The following INPP5K variants were observed in gnomAD, a reference collection of about 807,000 sequenced individuals.
INPP5K encodes inositol polyphosphate-5-phosphatase K, also known as inositol polyphosphate 5-phosphatase K.
INPP5K carries 35 observed loss-of-function variants against 53.5 expected under a neutral mutation model. The ratio of observed to expected loss-of-function variants is 0.65; its 90% CI spans 0.50 to 0.87. INPP5K has a LOEUF of 0.87. INPP5K is among the 40% of genes least tolerant of loss of function. The pLI, the probability that INPP5K is intolerant of heterozygous loss-of-function variation, is 0.00. For synonymous variants in INPP5K, 253 were observed against 232.8 expected, an observed-to-expected ratio of 1.09 and a Z score of -0.79; for missense variants, 550 against 586.2, an observed-to-expected ratio of 0.94 and a Z score of 0.64.
Position 1,498,050 on chromosome 17 carries a change from G to A in INPP5K, c.849C>T (p.Pro283=), listed in dbSNP as rs748453410. The change falls in exon 8 of 12, where the codon CCC becomes CCT. Residue 283 remains proline, a synonymous_variant. Transcript: ENST00000421807. ...WRLKRQPCAG[P]DTPIPPASHF... is the part of the protein sequence containing the mutation. ...GTGACGCCGGCGGTATGGGAGTGTC[G>A]GGGCCAGCACAGGGCTGCCGCTTCA... 5 of 1,613,914 alleles carry A rather than the reference G, an allele frequency of 3.1e-6. No homozygotes were observed. Among genetic ancestry groups the A allele is most frequent in the African/African-American group, 1.3e-5 (1 of 74,906 alleles).
intron 7 of INPP5K, 90 bp downstream of exon 7, chr17:1,506,890 C>T: frequency 3.3e-6 from 3 of 899,372 alleles, no homozygotes; most frequent in East Asian, 2.6e-5. Flanking sequence ...CCTGCCCCCC[C>T]TAACACTTCT....
At position 1,508,128 on chromosome 17, in the gene INPP5K, C is replaced by T. The variant is rs2075207934; in HGVS notation, c.653G>A (p.Trp218Ter). The change falls in exon 6 of 12, where the codon TGG (tryptophan) becomes TAG (stop). Residue 218 changes from tryptophan to a stop codon, truncating the protein, a stop_gained. Coordinates refer to ENST00000421807, the MANE Select transcript of INPP5K (RefSeq NM_016532.4). LOFTEE classifies it high-confidence loss of function. ...CTCACTGGATACCTGGTCCTTCTCC[C>T]ACAGGCCACCGTAGCACCGATTTTT... Reference protein sequence around the residue: ...SIKNRCYGGLWEKDQLSIAKK... With the variant: ...SIKNRCYGGL 2 of 1,613,582 alleles carry T rather than the reference C, an allele frequency of 1.2e-6. No homozygotes were observed. Among genetic ancestry groups the T allele is most frequent in the Admixed American group, 3.3e-5 (2 of 60,026 alleles).
chr17:1,496,286 CTGCTGGTGATGTACCTGG>C lies in INPP5K; in HGVS notation c.1185+15_1185+32del. 2 of 1,544,154 alleles carry C rather than the reference CTGCTGGTGATGTACCTGG, an allele frequency of 1.3e-6. No homozygotes were observed. Among genetic ancestry groups the C allele is most frequent in the Non-Finnish European group, 8.8e-7 (1 of 1,137,844 alleles). On this transcript the variant is annotated intron_variant, in intron 10 of 11. Transcript: ENST00000421807. Reference sequence around the variant, plus strand: ...GACAGGAGTGCTGAGGCAGGCCTGCCTGCTGGTGATGTACCTGGTGCTGGTGACGTACCTGGTTCAGGT... The same window carrying C: ...GACAGGAGTGCTGAGGCAGGCCTGCCTGCTGGTGACGTACCTGGTTCAGGT...
chr17:1,502,161 AAC>A (rs2075037657), intron 7 of INPP5K, among the ~76,000 whole-genome samples: 4 of 151,750 alleles, frequency 2.6e-5, no homozygotes, highest in South Asian at 2.1e-4. Context: ...CATCCTGGCT[AAC>A]ATGGTGAAAC....
At position 1,496,062 on chromosome 17, in the gene INPP5K, G is replaced by A; in HGVS notation, c.1288C>T (p.Gln430Ter). The stretch of plus-strand genomic sequence containing the variant: ...CTTCCCTCACCAGCACTGCTTACCT[G>A]GAAGGGTCTGCTTATCCCCACCACA... The part of the protein sequence containing the change: ...RSVVGISRPF[Q>*]IPPGSLREDP... The change falls in exon 11 of 12, where the codon CAG becomes TAG. Residue 430 changes from glutamine to a stop codon, truncating the protein, a stop_gained and splice_region_variant. Coordinates refer to ENST00000421807, the MANE Select transcript of INPP5K (RefSeq NM_016532.4). LOFTEE classifies it high-confidence loss of function. 1 of 1,601,370 alleles carries A rather than the reference G, an allele frequency of 6.2e-7. No individual in the cohort carries two copies. The highest frequency in any genetic ancestry group is 8.6e-7 in the Non-Finnish European group (1 of 1,168,530).
intron 7 of INPP5K, 96 bp downstream of exon 7, chr17:1,506,884 C>T (rs2075169715): frequency 7.3e-6 from 6 of 825,382 alleles, no homozygotes; most frequent in East Asian, 2.7e-5. Flanking sequence ...CCAATTCCTG[C>T]CCCCCCTAAC....
intron 7 of INPP5K, among the ~76,000 whole-genome samples, chr17:1,503,992 G>GCGAAACT (rs1277770873): frequency 6.6e-6 from 1 of 152,178 alleles, no homozygotes; most frequent in African/African-American, 2.4e-5. Flanking sequence ...TCTGCTTTCT[G>GCGAAACT]CGAAACTCTG....
At chr17:1,516,379 T>C in intron 1 of INPP5K, 77 bp downstream of exon 1, 1 of 1,447,494 alleles carries the variant, frequency 6.9e-7, no homozygotes, top group Non-Finnish European at 9.3e-7. Context: ...TCTGGTGCCT[T>C]GTCCACCCCC....
At position 1,508,230 on chromosome 17, in the gene INPP5K, C is replaced by T. The variant is rs1258629735; in HGVS notation, c.555-4G>A. ...GTCTCCAAACCAGATAATGAGGCTT[C>T]AGAAAAAAAGGAGGGCAGCCTGAGG... On this transcript the variant is annotated splice_region_variant and splice_polypyrimidine_tract_variant and intron_variant, in intron 5 of 11. Transcript: ENST00000421807. 1 of 1,609,430 alleles carries T rather than the reference C, an allele frequency of 6.2e-7. No homozygotes were observed. The highest frequency in any genetic ancestry group is 1.7e-5 in the Admixed American group (1 of 59,762).
At position 1,515,367 on chromosome 17, in the gene INPP5K, C is replaced by T. The variant is rs1049457975; in HGVS notation, c.44+1089G>A. 1.9e-5 allele frequency: 18 copies of T among 936,606 alleles called. No individual in the cohort carries two copies. The African/African-American group carries it at 3.0e-4, about 16-fold the overall frequency. 58.0% of individuals were successfully genotyped at this position (936,606 alleles called of 1,614,324 possible). A position where few individuals can be genotyped will look rare whatever the true frequency, so the allele number is the denominator to read the frequency against. ...TACAAGTCTTAGGGAAGCAAGAAAA[C>T]TAGATAAGGGGCCTCAATGACACTG... On this transcript the variant is annotated intron_variant, in intron 1 of 11. Coordinates refer to ENST00000421807, the MANE Select transcript of INPP5K (RefSeq NM_016532.4).
intron 7 of INPP5K, among the ~76,000 whole-genome samples, chr17:1,498,627 C>T (rs2074925653): frequency 6.6e-6 from 1 of 152,064 alleles, no homozygotes; most frequent in Non-Finnish European, 1.5e-5. Flanking sequence ...TTTAAAGAGA[C>T]AGGGTCTTGC....
At position 1,497,981 on chromosome 17, in the gene INPP5K, G is replaced by T. The variant is rs776009748; in HGVS notation, c.918C>A (p.Tyr306Ter). The change falls in exon 8 of 12, where the codon TAC becomes TAA. Residue 306 changes from tyrosine to a stop codon, truncating the protein, a stop_gained. Coordinates refer to ENST00000421807, the MANE Select transcript of INPP5K (RefSeq NM_016532.4). LOFTEE classifies it high-confidence loss of function. ...SLRGYSSHMT[Y>*]GISDHKPVSG... ...AGACAGGCTTGTGGTCGCTGATGCC[G>T]TACGTCATGTGGCTGCTGTAGCCCC... 6.2e-7 allele frequency: 1 copy of T among 1,614,046 alleles called. No individual in the cohort carries two copies. The highest frequency in any genetic ancestry group is 1.7e-5 in the Admixed American group (1 of 60,022).
Position 1,509,770 on chromosome 17 carries a change from G to A in INPP5K, c.291C>T (p.Leu97=). The change falls in exon 4 of 12, where the codon CTC becomes CTT. Residue 97 remains leucine, a synonymous_variant. Coordinates refer to ENST00000421807, the MANE Select transcript of INPP5K (RefSeq NM_016532.4). ...GCTGATACTTGGCAAAGACCAGTAA[G>A]AGGATCCCCTGCATACGGACATGGG... The part of the protein sequence containing the change: ...KVSHVRMQGI[L]LLVFAKYQHL... The A allele has an allele frequency of 6.2e-7, 1 of 1,613,390 alleles. No individual in the cohort carries two copies. Among genetic ancestry groups the A allele is most frequent in the Non-Finnish European group, 8.5e-7 (1 of 1,179,520 alleles).
intron 7 of INPP5K, among the ~76,000 whole-genome samples, chr17:1,500,492 A>T (rs1271864892): frequency 6.6e-6 from 1 of 151,958 alleles, no homozygotes; most frequent in Non-Finnish European, 1.5e-5. Flanking sequence ...AGCCTCCAGA[A>T]TAGCTGGGAT....
chr17:1,503,304 C>T (rs978773369), intron 7 of INPP5K, among the ~76,000 whole-genome samples: 10 of 151,860 alleles, frequency 6.6e-5, no homozygotes, highest in African/African-American at 2.4e-4. Context: ...CTGCCTCAGC[C>T]TCCCGAGTAG....
chr17:1,507,230 G>A (rs977348457), intron 6 of INPP5K, 141 bp from the exon 7 acceptor site: 5 of 629,130 alleles, frequency 7.9e-6, no homozygotes, highest in African/African-American at 7.3e-5. Flanking sequence ...CACTGCCCCA[G>A]TGACTACTCA....
Position 1,509,280 on chromosome 17 carries a change from G to A in INPP5K, c.452C>T (p.Pro151Leu). 1 of 1,614,134 alleles carries A rather than the reference G, an allele frequency of 6.2e-7. No individual in the cohort carries two copies. Among genetic ancestry groups the A allele is most frequent in the Non-Finnish European group, 8.5e-7 (1 of 1,179,992 alleles). ...YYVSIINCHL[P>L]PHISNNYQRL... The stretch of plus-strand genomic sequence containing the variant: ...CTGGTAATTGTTGGAAATGTGGGGA[G>A]GCAGGTGGCAGTTGATGATGCTGAC... Residue 151 changes from proline to leucine, a missense_variant, in exon 5 of 12, where the codon CCT (proline) becomes CTT (leucine). Pro to Leu is a moderately conservative substitution (Grantham distance 98). Transcript: ENST00000421807.
intron 4 of INPP5K, among the ~76,000 whole-genome samples, 163 bp from the exon 5 acceptor site, chr17:1,509,516 C>A (rs1247907644): frequency 1.3e-5 from 2 of 152,094 alleles, no homozygotes; most frequent in Non-Finnish European, 2.9e-5. Flanking sequence ...GAGCCCAGCT[C>A]GCCTCGCCTG....
chr17:1,498,172 T>C lies in INPP5K; in HGVS notation c.777-50A>G, dbSNP rs372157558. The C allele has an allele frequency of 1.2e-4, 177 of 1,504,442 alleles. 1 individual carries two copies. In the African/African-American group the frequency reaches 2.3e-3, roughly 19 times the overall value. 93.2% of individuals were successfully genotyped at this position (1,504,442 alleles called of 1,614,324 possible). ...GGAAGAATGGGGAAAGAAGAAAGGG[T>C]TGGCTAAGAGCAGAAATGAGCCCAC... On this transcript the variant is annotated intron_variant, in intron 7 of 11. Coordinates refer to ENST00000421807, the MANE Select transcript of INPP5K (RefSeq NM_016532.4).
Sources: gnomAD v4.1 joint callset for allele counts (sites outside exome capture counted in the v4.1 genomes callset) on GRCh38, gnomAD v4.1.1 for gene constraint, MANE v1.5 for transcripts, NCBI Gene and HGNC (gene_info 2026-07-23, HGNC 2026-07-21) for gene names.